ADAM12: variants seen among roughly 807,000 people sequenced by gnomAD.
ADAM12 encodes the protein disintegrin and metalloproteinase domain-containing protein 12.
ADAM12 carries 70 observed loss-of-function variants against 106.4 expected under a neutral mutation model. The observed-to-expected ratio is 0.66, with a 90% CI of 0.54 to 0.80. The LOEUF (loss-of-function observed/expected upper bound fraction) is 0.80. Among genes scored for constraint, ADAM12 ranks in the 30% least tolerant of loss-of-function variants. The probability of loss-of-function intolerance (pLI) is 0.00; values close to 1 mark genes in which losing one functional copy is unlikely to be tolerated. For synonymous variants in ADAM12, 420 were observed against 433.5 expected (o/e 0.97, Z 0.39); for missense variants, 1,010 against 1,171.9 (o/e 0.86, Z 2.02).
intron 5 of ADAM12, among the ~76,000 whole-genome samples, chr10:126,124,891 G>A (rs547513163): frequency 0.014 from 845 of 62,368 alleles, 11 homozygotes; most frequent in African/African-American, 0.063. Context: ...GTGAGACACC[G>A]TCTCAAAAAA....
chr10:126,189,430 T>G (rs1957457311), intron 3 of ADAM12, among the ~76,000 whole-genome samples: 3 of 152,120 alleles, frequency 2.0e-5, no homozygotes. Flanking sequence ...TTCCAACTCC[T>G]CTTCTTCCTT....
At chr10:126,203,145 A>G (rs1295976455) in intron 3 of ADAM12, among the ~76,000 whole-genome samples, 1 of 152,224 alleles carries the variant, frequency 6.6e-6, no homozygotes, top group Non-Finnish European at 1.5e-5. Flanking sequence ...AGTAAAAACC[A>G]CAAAAAACCT....
chr10:126,071,330 G>T, intron 12 of ADAM12, 147 bp downstream of exon 12: 1 of 880,572 alleles, frequency 1.1e-6, no homozygotes, highest in Non-Finnish European at 1.7e-6. Context: ...CCTAGCTCAC[G>T]GGGCTTGTTC....
At chr10:126,104,382 G>A (rs1281954342) in intron 8 of ADAM12, among the ~76,000 whole-genome samples, 7 of 151,500 alleles carry the variant, frequency 4.6e-5, no homozygotes, top group African/African-American at 1.7e-4. Context: ...CCTGGGAGGT[G>A]GAGGCTGCAG....
chr10:126,360,512 C>T (rs1461820297), intron 1 of ADAM12, among the ~76,000 whole-genome samples: 3 of 152,188 alleles, frequency 2.0e-5, no homozygotes, highest in East Asian at 1.9e-4. Context: ...ATCTCTAGGG[C>T]AGAAGCAAAA....
intron 1 of ADAM12, among the ~76,000 whole-genome samples, chr10:126,387,379 G>T (rs1262361705): frequency 1.3e-5 from 2 of 150,164 alleles, no homozygotes; most frequent in Non-Finnish European, 3.0e-5. Context: ...TGATGGGGGC[G>T]ATTATTTACG....
At chr10:126,206,922 T>C (rs760126612) in intron 3 of ADAM12, among the ~76,000 whole-genome samples, 24 of 151,234 alleles carry the variant, frequency 1.6e-4, no homozygotes, top group Non-Finnish European at 3.2e-4. Flanking sequence ...TCTGTTCTCC[T>C]GATAGTGAAT....
At chr10:126,183,764 A>G (rs1957354879) in intron 3 of ADAM12, among the ~76,000 whole-genome samples, 1 of 152,200 alleles carries the variant, frequency 6.6e-6, no homozygotes, top group African/African-American at 2.4e-5. Flanking sequence ...TTTCTCCTAG[A>G]GCCACAAAAT....
At chr10:126,116,004 A>G (rs1338009561) in intron 6 of ADAM12, among the ~76,000 whole-genome samples, 3 of 152,244 alleles carry the variant, frequency 2.0e-5, no homozygotes, top group Non-Finnish European at 2.9e-5. Flanking sequence ...GTTGACCGGC[A>G]TTGATGCCTT....
chr10:126,340,905 C>T (rs191679437), intron 1 of ADAM12, among the ~76,000 whole-genome samples: 100 of 152,046 alleles, frequency 6.6e-4, no homozygotes, highest in African/African-American at 2.3e-3. Context: ...TTGGTAGAGA[C>T]GGGGTTTCAC....
chr10:126,234,449 T>C lies in ADAM12; in HGVS notation c.260+44466A>G, dbSNP rs536981767. Among the ~76,000 whole-genome samples, 3 of 152,362 alleles carry C rather than the reference T, an allele frequency of 2.0e-5. No individual in the cohort carries two copies. In the East Asian group the frequency reaches 5.8e-4, roughly 29 times the overall value. On this transcript the variant is annotated intron_variant, in intron 3 of 22. Coordinates refer to ENST00000448723, the MANE Select transcript of ADAM12 (RefSeq NM_001288973.2). ...CAAATATACAAATGCAGATTAACGC[T>C]GCATCTAATATCCAAACACAGGCTT...
At chr10:126,224,944 C>A (rs922784630) in intron 3 of ADAM12, among the ~76,000 whole-genome samples, 1 of 152,244 alleles carries the variant, frequency 6.6e-6, no homozygotes, top group Non-Finnish European at 1.5e-5. Flanking sequence ...AGTCCCGCCA[C>A]CCTCCTCCTC....
chr10:126,075,254 C>T (rs1955076925), intron 11 of ADAM12, among the ~76,000 whole-genome samples: 1 of 152,170 alleles, frequency 6.6e-6, no homozygotes, highest in African/African-American at 2.4e-5. Flanking sequence ...GATTTCTCAG[C>T]AAGGAGGCAG....
chr10:126,197,813 C>A (rs987881878), intron 3 of ADAM12, among the ~76,000 whole-genome samples: 2 of 152,074 alleles, frequency 1.3e-5, no homozygotes, highest in Non-Finnish European at 2.9e-5. Context: ...GTAGGGACAT[C>A]TTTGGGAAGG....
At chr10:126,191,424 GTGACCGCA>G (rs1416657919) in intron 3 of ADAM12, among the ~76,000 whole-genome samples, 2 of 152,166 alleles carry the variant, frequency 1.3e-5, no homozygotes, top group Non-Finnish European at 2.9e-5. Flanking sequence ...AAGTCAGCAG[GTGACCGCA>G]TGAGTCCAGA....
At chr10:126,242,680 G>A (rs971367301) in intron 3 of ADAM12, among the ~76,000 whole-genome samples, 17 of 152,156 alleles carry the variant, frequency 1.1e-4, no homozygotes, top group East Asian at 1.9e-4. Context: ...GAATAGGTAC[G>A]GAAGTGCTCT....
chr10:126,083,038 C>T (rs147378000), intron 11 of ADAM12, among the ~76,000 whole-genome samples: 3 of 152,334 alleles, frequency 2.0e-5, no homozygotes, highest in East Asian at 3.9e-4. Flanking sequence ...CATTTGTACT[C>T]GCAGGTGACC....
intron 1 of ADAM12, among the ~76,000 whole-genome samples, chr10:126,363,048 C>A (rs1195181792): frequency 6.6e-6 from 1 of 151,764 alleles, no homozygotes; most frequent in Non-Finnish European, 1.5e-5. Flanking sequence ...ATTTGGGCCC[C>A]ATATAATTTG....
chr10:126,311,992 C>T (rs1049215873), intron 2 of ADAM12, among the ~76,000 whole-genome samples: 1 of 152,008 alleles, frequency 6.6e-6, no homozygotes, highest in Non-Finnish European at 1.5e-5. Flanking sequence ...CCTCTATTTG[C>T]AATTGGCGTC....
Sources: allele counts gnomAD v4.1 joint callset (sites outside exome capture counted in the v4.1 genomes callset), GRCh38; gene constraint gnomAD v4.1.1; transcripts MANE v1.5; gene names NCBI Gene and HGNC (gene_info 2026-07-23, HGNC 2026-07-21).